FDFT1: variants seen among roughly 807,000 people sequenced by gnomAD.
The protein encoded by FDFT1 is squalene synthase.
Under a neutral mutation model 46.8 loss-of-function variants are expected in FDFT1, and 68 were observed. That is an observed-to-expected ratio of 1.45 (90% CI 1.19 to 1.78). The LOEUF (loss-of-function observed/expected upper bound fraction) is 1.78, where lower values mean the gene tolerates loss of function less well. Ranked by LOEUF, FDFT1 falls within the 40% of genes most tolerant of loss-of-function variation. The pLI is 0.00. For synonymous variants in FDFT1, 351 were observed against 185.1 expected, an observed-to-expected ratio of 1.90 and a Z score of -7.28; for missense variants, 928 against 524.4, an observed-to-expected ratio of 1.77 and a Z score of -7.52.
chr8:11,822,056 A>C (rs182132664), intron 4 of FDFT1, among the ~76,000 whole-genome samples, 178 bp downstream of exon 4: 1 of 152,356 alleles, frequency 6.6e-6, no homozygotes, highest in East Asian at 1.9e-4. Context: ...ATTCCAAACC[A>C]GCAGCTATGT....
At chr8:11,816,053 A>G (rs1191127256) in intron 3 of FDFT1, among the ~76,000 whole-genome samples, 1 of 152,318 alleles carries the variant, frequency 6.6e-6, no homozygotes, top group Non-Finnish European at 1.5e-5. Flanking sequence ...TATAAGATGT[A>G]AGGAAGGGAT....
At chr8:11,824,672 G>GGA (rs1450747677) in intron 4 of FDFT1, among the ~76,000 whole-genome samples, 1 of 152,118 alleles carries the variant, frequency 6.6e-6, no homozygotes, top group Non-Finnish European at 1.5e-5. Flanking sequence ...CATCTGAAAT[G>GGA]GAGATCATAC....
upstream of FDFT1, chr8:11,801,985 G>T (rs896831155): frequency 2.2e-6 from 1 of 455,924 alleles, no homozygotes; most frequent in Non-Finnish European, 4.4e-6. Context: ...CACCACGCCT[G>T]GACGGGTAGC....
intron 4 of FDFT1, among the ~76,000 whole-genome samples, chr8:11,825,142 G>A (rs191963453): frequency 6.6e-6 from 1 of 152,118 alleles, no homozygotes. Flanking sequence ...TATCAGATTG[G>A]TCAAAAAAAG....
At chr8:11,816,427 G>A (rs1383459752) in intron 3 of FDFT1, among the ~76,000 whole-genome samples, 1 of 152,118 alleles carries the variant, frequency 6.6e-6, no homozygotes, top group Non-Finnish European at 1.5e-5. Context: ...AGCTTGATGG[G>A]GATAGCATTG....
intron 3 of FDFT1, among the ~76,000 whole-genome samples, chr8:11,811,757 C>T (rs117087024): frequency 5.9e-5 from 9 of 152,322 alleles, no homozygotes; most frequent in Admixed American, 1.3e-4. Context: ...AAGCCAGGCA[C>T]GGCTGTTTTC....
At chr8:11,820,885 A>T (rs1484927135) in intron 3 of FDFT1, among the ~76,000 whole-genome samples, 3 of 152,166 alleles carry the variant, frequency 2.0e-5, no homozygotes, top group African/African-American at 7.2e-5. Context: ...CCACTGTCCA[A>T]CCAGTGCCAG....
chr8:11,802,655 G>C (rs1237911175), upstream of FDFT1: 1 of 607,710 alleles, frequency 1.6e-6, no homozygotes, highest in East Asian at 2.8e-5. Flanking sequence ...AGCTAGCCCC[G>C]CTGGCGGCCG....
intron 7 of FDFT1, among the ~76,000 whole-genome samples, chr8:11,837,866 C>T (rs1811752500): frequency 6.6e-6 from 1 of 151,970 alleles, no homozygotes; most frequent in South Asian, 2.1e-4. Flanking sequence ...ACTTGGGAGG[C>T]TTGTGGAGGA....
intron 3 of FDFT1, chr8:11,810,065 A>G: frequency 1.9e-6 from 1 of 519,926 alleles, no homozygotes; most frequent in African/African-American, 1.9e-5. Flanking sequence ...GGTTACTTAC[A>G]AAGACTCTCT....
intron 1 of FDFT1, among the ~76,000 whole-genome samples, chr8:11,807,318 T>C (rs1427908341): frequency 7.6e-6 from 1 of 132,244 alleles, no homozygotes; most frequent in Non-Finnish European, 1.7e-5. Context: ...ACCTGGCTTT[T>C]TAAAAAATTT....
chr8:11,829,073 C>T (rs953626958), intron 5 of FDFT1, among the ~76,000 whole-genome samples: 2 of 152,186 alleles, frequency 1.3e-5, no homozygotes, highest in African/African-American at 2.4e-5. Context: ...GAGGAGCTGC[C>T]AGACGCTTTT....
chr8:11,796,073 G>A (rs1805533485), intron 1 of FDFT1: 1 of 151,834 alleles, frequency 6.6e-6, no homozygotes, highest in Admixed American at 6.5e-5. Flanking sequence ...TGAAAAACGG[G>A]GGATTTAACA....
At chr8:11,806,135 C>G (rs535932168) in intron 1 of FDFT1, among the ~76,000 whole-genome samples, 1 of 152,216 alleles carries the variant, frequency 6.6e-6, no homozygotes, top group South Asian at 2.1e-4. Context: ...AGGCTGGAGC[C>G]CCTTCCTGGG....
At chr8:11,801,813 C>G (rs146885704), upstream of FDFT1, 1 of 371,348 alleles carries the variant, frequency 2.7e-6, no homozygotes, top group Non-Finnish European at 5.2e-6. Flanking sequence ...CCTGCCTCAG[C>G]CTCCGGAGTA....
chr8:11,830,752 C>G (rs1385089817), intron 6 of FDFT1, among the ~76,000 whole-genome samples: 2 of 152,152 alleles, frequency 1.3e-5, no homozygotes, highest in Non-Finnish European at 2.9e-5. Flanking sequence ...CTGGGTGAAG[C>G]TGTTATCATT....
At chr8:11,833,156 G>T (rs552407917) in intron 7 of FDFT1, among the ~76,000 whole-genome samples, 8 of 152,220 alleles carry the variant, frequency 5.3e-5, no homozygotes, top group African/African-American at 1.9e-4. Context: ...AAAATATTCA[G>T]CCAGTGACCC....
intron 1 of FDFT1, chr8:11,803,667 T>G: frequency 2.5e-6 from 1 of 392,606 alleles, no homozygotes. Flanking sequence ...GTTCTTCTGG[T>G]CTGGACCAGC....
upstream of FDFT1, chr8:11,802,265 A>C (rs1223026498): frequency 2.6e-6 from 1 of 383,624 alleles, no homozygotes; most frequent in Non-Finnish European, 5.1e-6. Flanking sequence ...TAGGCTCTAC[A>C]GAGAGCGGCT....
Sources: gnomAD v4.1 joint callset for allele counts (sites outside exome capture counted in the v4.1 genomes callset) on GRCh38, gnomAD v4.1.1 for gene constraint, MANE v1.5 for transcripts, NCBI Gene and HGNC (gene_info 2026-07-23, HGNC 2026-07-21) for gene names.